Variants in SLC9A1 observed in about 807,000 individuals in gnomAD.
The protein encoded by SLC9A1 is solute carrier family 9 member A1, also known as sodium/hydrogen exchanger 1.
Under a neutral mutation model 67.9 loss-of-function variants are expected in SLC9A1, and 22 were observed. The ratio of observed to expected loss-of-function variants is 0.32; its 90% CI spans 0.23 to 0.46. The LOEUF (loss-of-function observed/expected upper bound fraction) is 0.46. Among genes scored for constraint, SLC9A1 ranks in the 20% least tolerant of loss-of-function variants. The pLI, the probability that SLC9A1 is intolerant of heterozygous loss-of-function variation, is 1.00. For synonymous variants in SLC9A1, 421 were observed against 471.8 expected, an observed-to-expected ratio of 0.89 and a Z score of 1.40; for missense variants, 686 against 1,094.8, an observed-to-expected ratio of 0.63 and a Z score of 5.27.
At position 27,106,601 on chromosome 1, in the gene SLC9A1, G is replaced by A. The variant is rs1200751374; in HGVS notation, c.1283-514C>T. On this transcript the variant is annotated intron_variant, in intron 4 of 11. Coordinates refer to ENST00000263980, the MANE Select transcript of SLC9A1 (RefSeq NM_003047.5). The surrounding 1 kb of genome is among the most constrained non-coding windows in gnomAD (Gnocchi z 4.3). ...TAAATGTGAGGTCCTGCCAGGCTTG[G>A]GGACATGGACCTAACCCTCAGAGAG... Among the ~76,000 whole-genome samples, 1 of 152,076 alleles carries A rather than the reference G, an allele frequency of 6.6e-6. No homozygotes were observed. The highest frequency in any genetic ancestry group is 1.5e-5 in the Non-Finnish European group (1 of 68,002).
At chr1:27,115,196 C>T (rs2083256475) in intron 1 of SLC9A1, among the ~76,000 whole-genome samples, 1 of 152,170 alleles carries the variant, frequency 6.6e-6, no homozygotes, top group Non-Finnish European at 1.5e-5. Flanking sequence ...TCCCTCCCAT[C>T]AAGGCCTCCT....
intron 1 of SLC9A1, among the ~76,000 whole-genome samples, chr1:27,130,170 G>A (rs2083375100): frequency 6.6e-6 from 1 of 152,188 alleles, no homozygotes. Context: ...GCACAATCTT[G>A]GCTCACTGCA....
intron 1 of SLC9A1, among the ~76,000 whole-genome samples, chr1:27,143,115 T>C (rs1447294035): frequency 6.8e-6 from 1 of 146,884 alleles, no homozygotes; most frequent in Non-Finnish European, 1.5e-5. Context: ...ATCACATATA[T>C]ACAACTGTCT....
Position 27,109,634 on chromosome 1 carries a change from G to A in SLC9A1, c.957C>T (p.Thr319=). The A allele has an allele frequency of 6.2e-7, 1 of 1,613,882 alleles. No homozygotes were observed. The highest frequency in any genetic ancestry group is 8.5e-7 in the Non-Finnish European group (1 of 1,179,968). The change falls in exon 3 of 12, where the codon ACC becomes ACT. Residue 319 remains threonine, a synonymous_variant. Coordinates refer to ENST00000263980, the MANE Select transcript of SLC9A1 (RefSeq NM_003047.5). The surrounding 1 kb of genome is among the most constrained non-coding windows in gnomAD (Gnocchi z 5.5). ...CCCGGATGTGGGAGGTAAATCGGGA[G>A]GTGAAGGCTGCGATGACCCCGTAGA... is the stretch of plus-strand genomic sequence containing the variant. ...GVVYGVIAAF[T]SRFTSHIRVI...
intron 4 of SLC9A1, among the ~76,000 whole-genome samples, chr1:27,107,004 G>T (rs2083189565): frequency 6.6e-6 from 1 of 151,454 alleles, no homozygotes; most frequent in South Asian, 2.1e-4. Flanking sequence ...TCATGGAAAT[G>T]GGAAGTCCCT....
In SLC9A1 at chr1:27,105,860, G is replaced by A. The variant is rs568146619; in HGVS notation, c.1485+25C>T. The A allele has an allele frequency of 1.1e-5, 18 of 1,605,920 alleles. No homozygotes were observed. In the East Asian group the frequency reaches 3.1e-4, roughly 28 times the overall value. On this transcript the variant is annotated intron_variant, in intron 5 of 11. Coordinates refer to ENST00000263980, the MANE Select transcript of SLC9A1 (RefSeq NM_003047.5). ...AGCCTGTGAGGGTCCCCAAGGCAAG[G>A]GCCTGCCCTGCCCTGGCCCAGCACC... is the stretch of plus-strand genomic sequence containing the variant.
At chr1:27,125,245 T>TTC (rs2083334717) in intron 1 of SLC9A1, among the ~76,000 whole-genome samples, 1 of 133,474 alleles carries the variant, frequency 7.5e-6, no homozygotes, top group Admixed American at 7.6e-5. Context: ...TTCTTTTTTT[T>TTC]TTTTTTTTTT....
chr1:27,116,034 T>G (rs1023412739), intron 1 of SLC9A1, among the ~76,000 whole-genome samples: 9 of 152,174 alleles, frequency 5.9e-5, no homozygotes, highest in South Asian at 4.1e-4. Context: ...CAGGTAGGAA[T>G]CTGGGCAGTG....
At chr1:27,139,846 G>A (rs1198162390) in intron 1 of SLC9A1, among the ~76,000 whole-genome samples, 1 of 150,698 alleles carries the variant, frequency 6.6e-6, no homozygotes, top group African/African-American at 2.4e-5. Flanking sequence ...AGGCTAGAGT[G>A]CAGTGAGGCG....
At position 27,105,975 on chromosome 1, in the gene SLC9A1, C is replaced by T; in HGVS notation, c.1395G>A (p.Leu465=). 1 of 1,613,692 alleles carries T rather than the reference C, an allele frequency of 6.2e-7. No individual in the cohort carries two copies. The highest frequency in any genetic ancestry group is 8.5e-7 in the Non-Finnish European group (1 of 1,179,984). ...AGTGCTTCTTGTCCAGGAGGTAGCC[C>T]AGAGAGAAGGCGATGGCCCCTCGCA... ...GGLRGAIAFS[L]GYLLDKKHFP... The change falls in exon 5 of 12, where the codon CTG becomes CTA. Residue 465 remains leucine (L), a synonymous_variant. Coordinates refer to ENST00000263980, the MANE Select transcript of SLC9A1 (RefSeq NM_003047.5).
At chr1:27,128,775 T>C (rs1245163886) in intron 1 of SLC9A1, among the ~76,000 whole-genome samples, 1 of 151,028 alleles carries the variant, frequency 6.6e-6, no homozygotes, top group Admixed American at 6.6e-5. Context: ...CTGGCCAACA[T>C]GGTGAAACCC....
chr1:27,125,995 G>C (rs765036249), intron 1 of SLC9A1, among the ~76,000 whole-genome samples: 2 of 152,112 alleles, frequency 1.3e-5, no homozygotes, highest in Non-Finnish European at 2.9e-5. Context: ...CTGTCCCCTA[G>C]CTCTACTGGC....
intron 1 of SLC9A1, among the ~76,000 whole-genome samples, chr1:27,148,263 C>T (rs1003631189): frequency 3.9e-5 from 6 of 152,198 alleles, no homozygotes; most frequent in Non-Finnish European, 5.9e-5. Flanking sequence ...CCCAGTGCAA[C>T]TCTGGCCCTC....
intron 1 of SLC9A1, among the ~76,000 whole-genome samples, chr1:27,128,287 A>C (rs2083359300): frequency 6.6e-6 from 1 of 152,234 alleles, no homozygotes; most frequent in Non-Finnish European, 1.5e-5. Context: ...CATTGGGATA[A>C]AGAATGTCTA....
At chr1:27,123,610 A>C (rs553423560) in intron 1 of SLC9A1, among the ~76,000 whole-genome samples, 9 of 151,428 alleles carry the variant, frequency 5.9e-5, no homozygotes, top group Admixed American at 5.9e-4. Context: ...TCCTGGGTTC[A>C]AGTGATTCTC....
chr1:27,113,375 T>G (rs1238106907), intron 2 of SLC9A1, among the ~76,000 whole-genome samples: 1 of 152,080 alleles, frequency 6.6e-6, no homozygotes, highest in African/African-American at 2.4e-5. Flanking sequence ...CAGGAGGATC[T>G]CAGGCCCAGG....
Position 27,154,074 on chromosome 1 carries a change from C to T in SLC9A1, c.261G>A (p.Lys87=), listed in dbSNP as rs2083549579. ...SVTDHGMKPR[K]AFPVLGIDYT... ...AGTCGATGCCCAGGACTGGAAAGGC[C>T]TTGCGCGGCTTCATGCCATGATCAG... Residue 87 remains lysine, a synonymous_variant, in exon 1 of 12, where the codon AAG becomes AAA. Transcript: ENST00000263980. The T allele has an allele frequency of 6.2e-7, 1 of 1,613,664 alleles. No homozygotes were observed. Among genetic ancestry groups the T allele is most frequent in the African/African-American group, 1.3e-5 (1 of 74,910 alleles).
Position 27,099,065 on chromosome 1 carries a change from G to GA in SLC9A1, c.*1241dup, listed in dbSNP as rs983077156. The GA allele has an allele frequency of 3.3e-5, 5 of 152,722 alleles. No individual in the cohort carries two copies. Among genetic ancestry groups the GA allele is most frequent in the African/African-American group, 4.8e-5 (2 of 41,472 alleles). The allele number at this position is 152,722 out of a possible 1,614,324, so 9.5% of individuals were successfully genotyped here. ...TGGGGGAGTGCCCCAGGGACAAGGGGAAGGAGTGTGTGTGGGCAAAGGTCT... is the reference window on the plus strand; with the variant it reads ...TGGGGGAGTGCCCCAGGGACAAGGGGAAAGGAGTGTGTGTGGGCAAAGGTCT... On this transcript the variant is annotated 3_prime_UTR_variant, in exon 12 of 12. Transcript: ENST00000263980.
chr1:27,149,249 G>A (rs980824566), intron 1 of SLC9A1, among the ~76,000 whole-genome samples: 2 of 152,146 alleles, frequency 1.3e-5, no homozygotes, highest in Non-Finnish European at 2.9e-5. Context: ...AATGCCAGAG[G>A]CAGGAGATGC....
Sources: gnomAD v4.1 joint callset for allele counts (sites outside exome capture counted in the v4.1 genomes callset) on GRCh38, gnomAD v4.1.1 for gene constraint, Gnocchi (gnomAD v3.1) non-coding constraint, MANE v1.5 for transcripts, NCBI Gene and HGNC (gene_info 2026-07-23, HGNC 2026-07-21) for gene names.